The following EXOC4 variants were observed in gnomAD, a reference collection of about 807,000 sequenced individuals.
EXOC4 encodes the protein SEC8-like 1.
EXOC4 carries 71 observed loss-of-function variants against 107.2 expected under a neutral mutation model. That is an observed-to-expected ratio of 0.66 (90% CI 0.55 to 0.81). EXOC4 has a LOEUF of 0.81. Ranked by LOEUF, EXOC4 falls within the 30% of genes least tolerant of loss-of-function variation. The probability of loss-of-function intolerance (pLI) is 0.00; values close to 1 mark genes in which losing one functional copy is unlikely to be tolerated. For missense variants in EXOC4, 1,108 were observed against 1,189.6 expected (o/e 0.93, Z 1.01); for synonymous variants, 456 against 441.2 (o/e 1.03, Z -0.42).
intron 17 of EXOC4, among the ~76,000 whole-genome samples, chr7:134,010,623 T>C (rs1229185333): frequency 6.6e-6 from 1 of 152,198 alleles, no homozygotes; most frequent in Non-Finnish European, 1.5e-5. Context: ...TGCAGCAGTG[T>C]ACCTCAGCAT....
At chr7:133,535,193 C>T (rs1800250019) in intron 9 of EXOC4, among the ~76,000 whole-genome samples, 1 of 151,992 alleles carries the variant, frequency 6.6e-6, no homozygotes, top group Non-Finnish European at 1.5e-5. Context: ...TTTTTTAATG[C>T]CTCATTGTGG....
the EXOC4 span, among the ~76,000 whole-genome samples, chr7:134,099,861 A>G: frequency 7.8e-3 from 1,185 of 151,978 alleles, 21 homozygotes; most frequent in African/African-American, 0.027. Flanking sequence ...TGCCCACCAC[A>G]ACACCCAGCT....
intron 2 of EXOC4, among the ~76,000 whole-genome samples, chr7:133,286,828 G>T (rs1794289952): frequency 6.6e-6 from 1 of 152,172 alleles, no homozygotes; most frequent in Non-Finnish European, 1.5e-5. Context: ...TGTTTTCTGT[G>T]CAGTGTCTCA....
At chr7:133,395,864 C>CT (rs952401069) in intron 7 of EXOC4, among the ~76,000 whole-genome samples, 88 of 151,490 alleles carry the variant, frequency 5.8e-4, no homozygotes, top group African/African-American at 2.0e-3. Context: ...TTTAGCTCTG[C>CT]TTTTTTTGTT....
intron 11 of EXOC4, among the ~76,000 whole-genome samples, chr7:133,874,807 CATGCCCCA>C (rs1396150879): frequency 1.3e-5 from 2 of 152,216 alleles, no homozygotes; most frequent in Non-Finnish European, 2.9e-5. Context: ...CCTAATGAAT[CATGCCCCA>C]TTGTGGGTTA....
intron 10 of EXOC4, among the ~76,000 whole-genome samples, chr7:133,787,917 C>G (rs77588359): frequency 0.019 from 2,545 of 135,210 alleles, 89 homozygotes; most frequent in African/African-American, 0.064. Context: ...CAAGGTCACA[C>G]AGGTAGCAAC....
At chr7:133,598,009 A>G (rs1317014370) in intron 9 of EXOC4, among the ~76,000 whole-genome samples, 1 of 151,414 alleles carries the variant, frequency 6.6e-6, no homozygotes, top group African/African-American at 2.4e-5. Context: ...TAAGAGCAAC[A>G]CTCTGTCTCA....
intron 5 of EXOC4, among the ~76,000 whole-genome samples, chr7:133,343,571 C>A (rs766086779): frequency 2.6e-5 from 4 of 151,744 alleles, no homozygotes; most frequent in African/African-American, 9.7e-5. Flanking sequence ...GCCACGCACT[C>A]GACTTAATCT....
chr7:133,594,493 C>CTTTTTTTTTTTTTTTTTTTTTT lies in EXOC4; in HGVS notation c.1418-35532_1418-35531insTTTTTTTTTTTTTTTTTTTTTT, dbSNP rs532692119. Among the ~76,000 whole-genome samples, 7 of 90,362 alleles carry CTTTTTTTTTTTTTTTTTTTTTT rather than the reference C, an allele frequency of 7.7e-5. 2 individuals are homozygous for CTTTTTTTTTTTTTTTTTTTTTT. Among genetic ancestry groups the CTTTTTTTTTTTTTTTTTTTTTT allele is most frequent in the Middle Eastern group, 9.8e-3 (1 of 102 alleles). 59.3% of individuals were successfully genotyped at this position (90,362 alleles called of 152,430 possible). On this transcript the variant is annotated intron_variant, in intron 9 of 17. Coordinates refer to ENST00000253861, the MANE Select transcript of EXOC4 (RefSeq NM_021807.4). ...AGACAAGAAATACATAAGCTTGAGTCTTTTTTTTTTTTTTTTTTTTGAGAC... is the reference window on the plus strand; with the variant it reads ...AGACAAGAAATACATAAGCTTGAGTCTTTTTTTTTTTTTTTTTTTTTTTTTTTTTTTTTTTTTTTTTTGAGAC...
intron 9 of EXOC4, among the ~76,000 whole-genome samples, chr7:133,593,804 A>G (rs982781290): frequency 1.3e-5 from 2 of 152,230 alleles, no homozygotes; most frequent in African/African-American, 4.8e-5. Context: ...TAACATTCTT[A>G]AGAATAATAT....
chr7:133,659,587 C>T (rs1422966753), intron 10 of EXOC4, among the ~76,000 whole-genome samples: 2 of 152,150 alleles, frequency 1.3e-5, no homozygotes, highest in Non-Finnish European at 2.9e-5. Flanking sequence ...TCAAAATCAG[C>T]AGGGGTTCTT....
intron 7 of EXOC4, among the ~76,000 whole-genome samples, chr7:133,437,279 A>G (rs1055615689): frequency 1.3e-5 from 2 of 152,052 alleles, no homozygotes. Flanking sequence ...TATCCACCAG[A>G]TGTTTAAGTA....
intron 10 of EXOC4, among the ~76,000 whole-genome samples, chr7:133,748,374 G>T (rs1368169678): frequency 6.6e-6 from 1 of 152,084 alleles, no homozygotes; most frequent in Non-Finnish European, 1.5e-5. Flanking sequence ...GAGAGTATGA[G>T]CTAGGCAGGT....
intron 10 of EXOC4, among the ~76,000 whole-genome samples, chr7:133,796,662 G>T (rs1187717540): frequency 6.6e-6 from 1 of 152,114 alleles, no homozygotes; most frequent in African/African-American, 2.4e-5. Context: ...GGAGGCTGAG[G>T]CAGGAGAATC....
At chr7:133,956,229 G>C (rs1194146004) in intron 14 of EXOC4, among the ~76,000 whole-genome samples, 1 of 151,938 alleles carries the variant, frequency 6.6e-6, no homozygotes, top group East Asian at 1.9e-4. Context: ...GTGAATTGTA[G>C]CTGATAATAT....
chr7:133,653,839 T>C (rs777901863), intron 10 of EXOC4, among the ~76,000 whole-genome samples: 4 of 152,174 alleles, frequency 2.6e-5, no homozygotes, highest in South Asian at 4.1e-4. Flanking sequence ...ACAGCTACCT[T>C]TTATGAGTAC....
At chr7:134,073,205 C>CAAAAAAAAA in the EXOC4 span, among the ~76,000 whole-genome samples, 135 of 22,590 alleles carry the variant, frequency 6.0e-3, 21 homozygotes, top group Middle Eastern at 0.05. Context: ...GACTTCCTCT[C>CAAAAAAAAA]AAAAAAAAAA....
At chr7:133,266,027 T>C (rs931286778) in intron 1 of EXOC4, among the ~76,000 whole-genome samples, 2 of 152,178 alleles carry the variant, frequency 1.3e-5, no homozygotes, top group African/African-American at 4.8e-5. Flanking sequence ...TTAGTCTGCT[T>C]GGGCTGCCAT....
At chr7:133,651,169 A>G (rs1803142000) in intron 10 of EXOC4, among the ~76,000 whole-genome samples, 1 of 151,474 alleles carries the variant, frequency 6.6e-6, no homozygotes. Context: ...CTTTCTACTC[A>G]CTCCCAGCAT....
Sources: gnomAD v4.1 joint callset for allele counts (sites outside exome capture counted in the v4.1 genomes callset) on GRCh38, gnomAD v4.1.1 for gene constraint, MANE v1.5 for transcripts, NCBI Gene and HGNC (gene_info 2026-07-23, HGNC 2026-07-21) for gene names.